Variants in ARHGAP31 observed in about 807,000 individuals in gnomAD.
The protein encoded by ARHGAP31 is rho GTPase-activating protein 31.
In ARHGAP31, 34 loss-of-function variants were observed where a neutral mutation model predicts 113.9. The observed-to-expected ratio is 0.30, with a 90% CI of 0.23 to 0.40. The LOEUF is 0.40. ARHGAP31 is among the 10% of genes least tolerant of loss of function. The pLI, the probability that ARHGAP31 is intolerant of heterozygous loss-of-function variation, is 1.00. For synonymous variants in ARHGAP31, 650 were observed against 684.8 expected, an observed-to-expected ratio of 0.95 and a Z score of 0.79; for missense variants, 1,548 against 1,767.1, an observed-to-expected ratio of 0.88 and a Z score of 2.22.
In ARHGAP31 at chr3:119,413,885, C is replaced by G; in HGVS notation, c.1956C>G (p.Ile652Met). 1 of 1,614,218 alleles carries G rather than the reference C, an allele frequency of 6.2e-7. No individual in the cohort carries two copies. The highest frequency in any genetic ancestry group is 8.5e-7 in the Non-Finnish European group (1 of 1,180,042). ...AAGATGATCTGGCCAATGCCCTGAT[C>G]TGGCCTGAGATTCAACAGGAGCTGA... Reference protein sequence around the residue: ...MDEDDLANALIWPEIQQELKI... With the variant: ...MDEDDLANALMWPEIQQELKI... The change falls in exon 12 of 12, where the codon ATC (isoleucine) becomes ATG (methionine). Residue 652 changes from isoleucine (I) to methionine (M), a missense_variant. Coordinates refer to ENST00000264245, the MANE Select transcript of ARHGAP31 (RefSeq NM_020754.4).
At chr3:119,332,526 T>C (rs931723751) in intron 1 of ARHGAP31, among the ~76,000 whole-genome samples, 1 of 151,910 alleles carries the variant, frequency 6.6e-6, no homozygotes, top group African/African-American at 2.4e-5. Flanking sequence ...TAAGATGTGC[T>C]TCTACAAGCT....
intron 1 of ARHGAP31, among the ~76,000 whole-genome samples, chr3:119,320,450 G>A (rs1359498977): frequency 6.6e-6 from 1 of 152,122 alleles, no homozygotes; most frequent in East Asian, 1.9e-4. Context: ...ACAACCTTGG[G>A]CCAAATGTGA....
rs773223083 is a variant in ARHGAP31, at chr3:119,414,008, T to C, written c.2079T>C (p.Phe693=). 48 of 1,614,028 alleles carry C rather than the reference T, an allele frequency of 3.0e-5. No individual in the cohort carries two copies. The East Asian group carries it at 8.9e-4, about 30-fold the overall frequency. ...TTCTCGAGTCGAGTCTGGGGCCCTT[T>C]ATTCCCTCAGAGCCTCCTGGGAGCT... The part of the protein sequence containing the change: ...QPILESSLGP[F]IPSEPPGSLP... Residue 693 remains phenylalanine (F), a synonymous_variant, in exon 12 of 12, where the codon TTT becomes TTC. Transcript: ENST00000264245.
At chr3:119,409,324 A>G (rs145121382) in intron 10 of ARHGAP31, among the ~76,000 whole-genome samples, 172 bp from the exon 11 acceptor site, 107 of 152,240 alleles carry the variant, frequency 7.0e-4, no homozygotes, top group African/African-American at 2.4e-3. Context: ...AACTCTGGGA[A>G]CTCAGGCCAG....
At chr3:119,309,698 C>T (rs1265602865) in intron 1 of ARHGAP31, among the ~76,000 whole-genome samples, 4 of 151,886 alleles carry the variant, frequency 2.6e-5, no homozygotes, top group Non-Finnish European at 5.9e-5. Context: ...AGGTCAAAGC[C>T]GCAGTGAGCT....
At chr3:119,309,090 C>T (rs1225413149) in intron 1 of ARHGAP31, among the ~76,000 whole-genome samples, 4 of 152,192 alleles carry the variant, frequency 2.6e-5, no homozygotes, top group Admixed American at 1.3e-4. Flanking sequence ...ATTCCACTCA[C>T]CTTTGCCTCC....
chr3:119,340,980 T>C (rs904144196), intron 1 of ARHGAP31, among the ~76,000 whole-genome samples: 2 of 152,250 alleles, frequency 1.3e-5, no homozygotes, highest in Non-Finnish European at 2.9e-5. Flanking sequence ...AATGCCTGCA[T>C]GAGCTTTCCT....
chr3:119,417,916 G>T lies in ARHGAP31; in HGVS notation c.*1652G>T, dbSNP rs1560001002. On this transcript the variant is annotated 3_prime_UTR_variant, in exon 12 of 12. Coordinates refer to ENST00000264245, the MANE Select transcript of ARHGAP31 (RefSeq NM_020754.4). The stretch of plus-strand genomic sequence containing the variant: ...CTCTAAGGGCTGATAGTACCTCTGG[G>T]TAGGCGTCACAACCAAGGCTGGTTC... 6.6e-6 allele frequency: 1 copy of T among 152,072 alleles called. No homozygotes were observed. The highest frequency in any genetic ancestry group is 1.5e-5 in the Non-Finnish European group (1 of 68,050). 9.4% of individuals were successfully genotyped at this position (152,072 alleles called of 1,614,324 possible). A position where few individuals can be genotyped will look rare whatever the true frequency, so the allele number is the denominator to read the frequency against.
chr3:119,310,500 G>C (rs1047625424), intron 1 of ARHGAP31, among the ~76,000 whole-genome samples: 1 of 152,358 alleles, frequency 6.6e-6, no homozygotes, highest in Non-Finnish European at 1.5e-5. Context: ...GTGAGGGCAG[G>C]CAAGAGAGCA....
At chr3:119,350,338 G>C (rs934666905) in intron 1 of ARHGAP31, among the ~76,000 whole-genome samples, 6 of 152,166 alleles carry the variant, frequency 3.9e-5, no homozygotes, top group East Asian at 3.8e-4. Flanking sequence ...CTGGTGTGGG[G>C]GCTGGGGCAC....
chr3:119,384,948 G>A (rs1056640738), intron 6 of ARHGAP31, among the ~76,000 whole-genome samples: 2 of 145,924 alleles, frequency 1.4e-5, no homozygotes, highest in Non-Finnish European at 3.0e-5. Flanking sequence ...TTTTTTGGAT[G>A]GAGTCTCACT....
chr3:119,332,233 C>T (rs1006547850), intron 1 of ARHGAP31, among the ~76,000 whole-genome samples: 1 of 151,840 alleles, frequency 6.6e-6, no homozygotes, highest in Non-Finnish European at 1.5e-5. Flanking sequence ...GAGTTTTGCT[C>T]TTGTCACCCA....
chr3:119,385,824 C>G (rs1325368469), intron 6 of ARHGAP31, among the ~76,000 whole-genome samples: 1 of 152,238 alleles, frequency 6.6e-6, no homozygotes, highest in African/African-American at 2.4e-5. Flanking sequence ...CATGCTCTTT[C>G]CTTAACTCTA....
At chr3:119,385,855 G>T (rs531232854) in intron 6 of ARHGAP31, among the ~76,000 whole-genome samples, 6 of 152,318 alleles carry the variant, frequency 3.9e-5, no homozygotes, top group South Asian at 2.1e-4. Context: ...GTGAGGAAAA[G>T]AATATGAAAA....
At chr3:119,358,738 C>T (rs1370310669) in intron 1 of ARHGAP31, among the ~76,000 whole-genome samples, 1 of 152,144 alleles carries the variant, frequency 6.6e-6, no homozygotes, top group Non-Finnish European at 1.5e-5. Context: ...AGAAGTCCGT[C>T]ACAAAGGCCA....
intron 3 of ARHGAP31, among the ~76,000 whole-genome samples, chr3:119,378,697 C>T (rs574073286): frequency 3.9e-5 from 6 of 152,204 alleles, no homozygotes; most frequent in South Asian, 2.1e-4. Flanking sequence ...GGGCTTCTCT[C>T]CCTTGGCTCC....
intron 1 of ARHGAP31, among the ~76,000 whole-genome samples, chr3:119,346,703 G>C (rs909588096): frequency 4.6e-5 from 7 of 152,212 alleles, no homozygotes; most frequent in Non-Finnish European, 7.3e-5. Flanking sequence ...GTGCTAGTTA[G>C]TCTGGGGCAG....
In ARHGAP31 at chr3:119,416,206, A is replaced by C; in HGVS notation, c.4277A>C (p.Tyr1426Ser). ...CTAGAGACCTCAACCAGCTGTTTTT[A>C]CCAGCCTCAGCGGAGATCAGTAATT... The part of the protein sequence containing the change: ...QRLETSTSCF[Y>S]QPQRRSVILD... The change falls in exon 12 of 12, where the codon TAC becomes TCC. Residue 1426 changes from tyrosine to serine, a missense_variant. Physicochemically the swap from Tyr to Ser is moderately radical, Grantham distance 144 (BLOSUM62 -2). Transcript: ENST00000264245. 1 of 1,614,200 alleles carries C rather than the reference A, an allele frequency of 6.2e-7. No individual in the cohort carries two copies. Among genetic ancestry groups the C allele is most frequent in the Non-Finnish European group, 8.5e-7 (1 of 1,180,034 alleles).
At chr3:119,407,375 A>T (rs529289255) in intron 10 of ARHGAP31, among the ~76,000 whole-genome samples, 2 of 150,974 alleles carry the variant, frequency 1.3e-5, no homozygotes, top group Non-Finnish European at 2.9e-5. Flanking sequence ...AAGAAAAAAA[A>T]AATAAAGAAA....
Sources: gnomAD v4.1 joint callset for allele counts (sites outside exome capture counted in the v4.1 genomes callset) on GRCh38, gnomAD v4.1.1 for gene constraint, MANE v1.5 for transcripts, NCBI Gene and HGNC (gene_info 2026-07-23, HGNC 2026-07-21) for gene names.